The following DNTTIP2 variants were observed in gnomAD, a reference collection of about 807,000 sequenced individuals.
The protein encoded by DNTTIP2 is deoxynucleotidyltransferase terminal interacting protein 2.
Under a neutral mutation model 62.4 loss-of-function variants are expected in DNTTIP2, and 47 were observed. The ratio of observed to expected loss-of-function variants is 0.75; its 90% CI spans 0.60 to 0.96. DNTTIP2 has a LOEUF of 0.96. Among genes scored for constraint, DNTTIP2 ranks in the 40% least tolerant of loss-of-function variants. The probability of loss-of-function intolerance (pLI) is 0.00; values close to 1 mark genes in which losing one functional copy is unlikely to be tolerated. For synonymous variants in DNTTIP2, 322 were observed against 300.9 expected (o/e 1.07, Z -0.73); for missense variants, 870 against 849.1 (o/e 1.02, Z -0.31).
chr1:93,875,187 G>A (rs1017381665), intron 3 of DNTTIP2, among the ~76,000 whole-genome samples: 1 of 152,190 alleles, frequency 6.6e-6, no homozygotes, highest in Non-Finnish European at 1.5e-5. Flanking sequence ...AGAAAACAGT[G>A]CAAGGTGTTG....
rs957486889 is a variant in DNTTIP2 at position 93,867,277 on chromosome 1, T to G, written c.*2574A>C. ...CAGCACACCTGACTGTGGCAGCCCT[T>G]TGGATTCTTTATACTTTTCTGGTAT... On this transcript the variant is annotated 3_prime_UTR_variant, in exon 7 of 7. Transcript: ENST00000436063. The G allele has an allele frequency of 4.6e-5, 7 of 152,096 alleles. No homozygotes were observed. Among genetic ancestry groups the G allele is most frequent in the African/African-American group, 1.7e-4 (7 of 41,398 alleles). 9.4% of individuals were successfully genotyped at this position (152,096 alleles called of 1,614,324 possible).
chr1:93,876,600 G>C lies in DNTTIP2; in HGVS notation c.1335C>G (p.Leu445=), dbSNP rs759266462. 11 of 1,614,002 alleles carry C rather than the reference G, an allele frequency of 6.8e-6. No individual in the cohort carries two copies. The Admixed American group carries it at 1.8e-4, about 27-fold the overall frequency. The change falls in exon 2 of 7, where the codon CTC becomes CTG. Residue 445 remains leucine, a synonymous_variant. Coordinates refer to ENST00000436063, the MANE Select transcript of DNTTIP2 (RefSeq NM_014597.5). ...QGKDNSVLLV[L]SSDESQQSEN... ...CAGACTGTTGGCTTTCATCACTGCT[G>C]AGAACTAGTAAGACAGAATTATCTT...
Position 93,876,591 on chromosome 1 carries a change from A to G in DNTTIP2, c.1344T>C (p.Asp448=). The change falls in exon 2 of 7, where the codon GAT becomes GAC. Residue 448 remains aspartate (D), a synonymous_variant. Transcript: ENST00000436063. The stretch of plus-strand genomic sequence containing the variant: ...CACTGTTTTCAGACTGTTGGCTTTC[A>G]TCACTGCTGAGAACTAGTAAGACAG... ...DNSVLLVLSS[D]ESQQSENSEN... is the part of the protein sequence containing the mutation. 6.2e-7 allele frequency: 1 copy of G among 1,614,030 alleles called. No individual in the cohort carries two copies. The highest frequency in any genetic ancestry group is 8.5e-7 in the Non-Finnish European group (1 of 1,179,890).
At position 93,877,737 on chromosome 1, in the gene DNTTIP2, C is replaced by G. The variant is rs965327750; in HGVS notation, c.198G>C (p.Lys66Asn). ...GTGAGCCTGTAGTTCTGCTCTTCCTCTTTCTAGCTTTAGGAGTTCTAGGGA... is the reference window on the plus strand; with the variant it reads ...GTGAGCCTGTAGTTCTGCTCTTCCTGTTTCTAGCTTTAGGAGTTCTAGGGA... ...SLIPRTPKAR[K>N]RKSRTTGSLP... Residue 66 changes from lysine (K) to asparagine (N), a missense_variant, in exon 2 of 7, where the codon AAG (lysine) becomes AAC (asparagine). By Grantham distance (94) the Lys-to-Asn change is moderately conservative. Transcript: ENST00000436063. 7 of 1,613,684 alleles carry G rather than the reference C, an allele frequency of 4.3e-6. No homozygotes were observed. The Admixed American group carries it at 6.7e-5, about 15-fold the overall frequency.
rs375403655 is a variant in DNTTIP2, at chr1:93,876,383, C to T, written c.1552G>A (p.Glu518Lys). 7 of 1,589,418 alleles carry T rather than the reference C, an allele frequency of 4.4e-6. No individual in the cohort carries two copies. The highest frequency in any genetic ancestry group is 1.7e-4 in the Middle Eastern group (1 of 6,042). ...EDKASEVAIEEEKEEEEDEKS... is the reference protein window; with the variant it reads ...EDKASEVAIEKEKEEEEDEKS... The stretch of plus-strand genomic sequence containing the variant: ...TCATCCTCTTCCTCTTCTTTTTCTT[C>T]CTCAATGGCAACCTCACTTGCCTTG... The change falls in exon 2 of 7, where the codon GAA becomes AAA. Residue 518 changes from glutamate to lysine, a missense_variant. By Grantham distance (56) the Glu-to-Lys change is moderately conservative (BLOSUM62 1). Coordinates refer to ENST00000436063, the MANE Select transcript of DNTTIP2 (RefSeq NM_014597.5).
intron 5 of DNTTIP2, among the ~76,000 whole-genome samples, chr1:93,871,658 T>C (rs1655866525): frequency 6.6e-6 from 1 of 152,200 alleles, no homozygotes; most frequent in African/African-American, 2.4e-5. Flanking sequence ...CCCAATCCTA[T>C]GTCATAATTC....
intron 1 of DNTTIP2, 54 bp downstream of exon 1, chr1:93,879,023 G>A (rs1351542803): frequency 2.5e-6 from 4 of 1,603,330 alleles, no homozygotes; most frequent in African/African-American, 2.7e-5. Flanking sequence ...CGCCCCGCCT[G>A]CCTGAGCGCG....
intron 6 of DNTTIP2, 145 bp downstream of exon 6, chr1:93,870,538 A>G (rs1375563234): frequency 1.4e-5 from 6 of 438,920 alleles, no homozygotes; most frequent in Non-Finnish European, 2.4e-5. Flanking sequence ...TTTGCACTAA[A>G]TTATTTTTCA....
rs572134446 is a variant in DNTTIP2, at chr1:93,875,254, A to G, written c.1806+391T>C. On this transcript the variant is annotated intron_variant, in intron 3 of 6. Coordinates refer to ENST00000436063, the MANE Select transcript of DNTTIP2 (RefSeq NM_014597.5). Reference sequence around the variant, plus strand: ...TAACAGTAATTCCTTCTGAAATTATATGTAAAATGTCTATATGCACATGTG... The same window carrying G: ...TAACAGTAATTCCTTCTGAAATTATGTGTAAAATGTCTATATGCACATGTG... 8.7e-4 allele frequency among the ~76,000 whole-genome samples: 133 copies of G among 152,360 alleles called. 1 individual carries two copies. Among genetic ancestry groups the G allele is most frequent in the African/African-American group, 3.1e-3 (127 of 41,594 alleles).
Position 93,871,421 on chromosome 1 carries a change from G to T in DNTTIP2, c.2068-629C>A, listed in dbSNP as rs1655859134. Among the ~76,000 whole-genome samples the T allele has an allele frequency of 2.0e-5, 3 of 152,210 alleles. No homozygotes were observed. In the South Asian group the frequency reaches 6.2e-4, roughly 31 times the overall value. On this transcript the variant is annotated intron_variant, in intron 5 of 6. Coordinates refer to ENST00000436063, the MANE Select transcript of DNTTIP2 (RefSeq NM_014597.5). ...GACCAATTGTACCTAAGAGAGGTAAGGAAGATTTAACAAAGAATGACAATT... is the reference window on the plus strand; with the variant it reads ...GACCAATTGTACCTAAGAGAGGTAATGAAGATTTAACAAAGAATGACAATT...
chr1:93,877,872 A>G lies in DNTTIP2; in HGVS notation c.73-10T>C. 6.3e-7 allele frequency: 1 copy of G among 1,595,934 alleles called. No homozygotes were observed. Among genetic ancestry groups the G allele is most frequent in the South Asian group, 1.1e-5 (1 of 90,488 alleles). Reference sequence around the variant, plus strand: ...CATTAGCAGCAAAACTCTGCAAACCAGAGAAAACACACTGTAATTTAGGTA... The same window carrying G: ...CATTAGCAGCAAAACTCTGCAAACCGGAGAAAACACACTGTAATTTAGGTA... On this transcript the variant is annotated splice_polypyrimidine_tract_variant and intron_variant, in intron 1 of 6. Transcript: ENST00000436063.
In DNTTIP2 at chr1:93,876,380, C is replaced by T. The variant is rs372231570; in HGVS notation, c.1555G>A (p.Glu519Lys). ...TTTTCATCCTCTTCCTCTTCTTTTT[C>T]TTCCTCAATGGCAACCTCACTTGCC... ...DKASEVAIEE[E>K]KEEEEDEKSE... Residue 519 changes from glutamate to lysine, a missense_variant, in exon 2 of 7, where the codon GAA becomes AAA. Coordinates refer to ENST00000436063, the MANE Select transcript of DNTTIP2 (RefSeq NM_014597.5). The T allele has an allele frequency of 1.9e-6, 3 of 1,584,906 alleles. No homozygotes were observed. The highest frequency in any genetic ancestry group is 2.6e-6 in the Non-Finnish European group (3 of 1,164,286).
intron 3 of DNTTIP2, among the ~76,000 whole-genome samples, chr1:93,873,573 C>A (rs369041068): frequency 1.1e-4 from 16 of 151,644 alleles, no homozygotes; most frequent in East Asian, 3.9e-4. Context: ...CTCACTCCAG[C>A]CTGGGTGACA....
At chr1:93,873,714 T>C (rs1419569022) in intron 3 of DNTTIP2, among the ~76,000 whole-genome samples, 1 of 152,086 alleles carries the variant, frequency 6.6e-6, no homozygotes, top group Non-Finnish European at 1.5e-5. Context: ...GGACAATCAC[T>C]TGAGGCCAGG....
In DNTTIP2 at chr1:93,876,954, C is replaced by T. The variant is rs746953799; in HGVS notation, c.981G>A (p.Gln327=). 1.2e-6 allele frequency: 2 copies of T among 1,613,226 alleles called. No homozygotes were observed. Among genetic ancestry groups the T allele is most frequent in the Admixed American group, 3.3e-5 (2 of 59,944 alleles). The stretch of plus-strand genomic sequence containing the variant: ...AAACTAACTGTTGAAGGCTAGTGTC[C>T]TGAAGTTCAGAAAGATTCTTCAGCT... ...SSQLKNLSEL[Q]DTSLQQLVSQ... Residue 327 remains glutamine, a synonymous_variant, in exon 2 of 7, where the codon CAG becomes CAA. Transcript: ENST00000436063.
At position 93,876,191 on chromosome 1, in the gene DNTTIP2, C is replaced by T. The variant is rs915379015; in HGVS notation, c.1667+77G>A. ...GTGATTTTCTCATTCCCCAGGCTAA[C>T]ATTTCATATTTTTATGGTAAATTAA... On this transcript the variant is annotated intron_variant, in intron 2 of 6. Coordinates refer to ENST00000436063, the MANE Select transcript of DNTTIP2 (RefSeq NM_014597.5). The T allele has an allele frequency of 3.5e-6, 4 of 1,142,734 alleles. No homozygotes were observed. In the African/African-American group the frequency reaches 1.4e-4, roughly 40 times the overall value. 70.8% of individuals were successfully genotyped at this position (1,142,734 alleles called of 1,614,324 possible).
chr1:93,877,001 C>T lies in DNTTIP2; in HGVS notation c.934G>A (p.Glu312Lys). 1 of 1,612,868 alleles carries T rather than the reference C, an allele frequency of 6.2e-7. No individual in the cohort carries two copies. Residue 312 changes from glutamate to lysine, a missense_variant, in exon 2 of 7, where the codon GAA becomes AAA. Transcript: ENST00000436063. ...AGCTGAGAACTTTTCTCATTAATTT[C>T]TTTCCCCTCATCTGTTATTCCATTG... ...DANGITDEGK[E>K]INEKSSQLKN...
In DNTTIP2 at chr1:93,876,826, A is replaced by G; in HGVS notation, c.1109T>C (p.Val370Ala). 1.2e-6 allele frequency: 2 copies of G among 1,613,900 alleles called. No individual in the cohort carries two copies. Among genetic ancestry groups the G allele is most frequent in the Non-Finnish European group, 1.7e-6 (2 of 1,179,876 alleles). ...MKSLTQTFAT[V>A]EVGRWNNNKK... ...GTTGTTATTCCATCTGCCTACTTCCACAGTTGCAAATGTTTGAGTTAATGA... is the reference window on the plus strand; with the variant it reads ...GTTGTTATTCCATCTGCCTACTTCCGCAGTTGCAAATGTTTGAGTTAATGA... The change falls in exon 2 of 7, where the codon GTG (valine) becomes GCG (alanine). Residue 370 changes from valine (V) to alanine (A), a missense_variant. By Grantham distance (64) the Val-to-Ala change is moderately conservative. Coordinates refer to ENST00000436063, the MANE Select transcript of DNTTIP2 (RefSeq NM_014597.5).
rs910263878 is a variant in DNTTIP2, at chr1:93,868,775, T to C, written c.*1076A>G. On this transcript the variant is annotated 3_prime_UTR_variant, in exon 7 of 7. Transcript: ENST00000436063. Reference sequence around the variant, plus strand: ...GAACAGAAAACCAAACACTGCATGTTCTTACTCGTAAGTGGGAGGTAAACA... The same window carrying C: ...GAACAGAAAACCAAACACTGCATGTCCTTACTCGTAAGTGGGAGGTAAACA... 9 of 152,102 alleles carry C rather than the reference T, an allele frequency of 5.9e-5. No homozygotes were observed. Among genetic ancestry groups the C allele is most frequent in the African/African-American group, 2.2e-4 (9 of 41,398 alleles). 9.4% of individuals were successfully genotyped at this position (152,102 alleles called of 1,614,324 possible).
Sources: allele counts gnomAD v4.1 joint callset (sites outside exome capture counted in the v4.1 genomes callset), GRCh38; gene constraint gnomAD v4.1.1; transcripts MANE v1.5; gene names NCBI Gene and HGNC (gene_info 2026-07-23, HGNC 2026-07-21).